The following IL1RAPL1 variants were observed in gnomAD, a reference collection of about 807,000 sequenced individuals.
The protein encoded by IL1RAPL1 is interleukin-1 receptor accessory protein-like 1.
In IL1RAPL1, 3 loss-of-function variants were observed where a neutral mutation model predicts 48.4. That is an observed-to-expected ratio of 0.06 (90% CI 0.03 to 0.16). The LOEUF is 0.16. Among genes scored for constraint, IL1RAPL1 ranks in the 10% least tolerant of loss-of-function variants. IL1RAPL1 has a pLI of 1.00. For missense variants in IL1RAPL1, 349 were observed against 530.6 expected, an observed-to-expected ratio of 0.66 and a Z score of 3.36; for synonymous variants, 185 against 187.7, an observed-to-expected ratio of 0.99 and a Z score of 0.12.
At chrX:29,639,848 G>A (rs1266960882) in intron 5 of IL1RAPL1, among the ~76,000 whole-genome samples, 2 of 111,569 alleles carry the variant, frequency 1.8e-5, no homozygotes, top group Non-Finnish European at 3.8e-5. Context: ...ATGCATCAGC[G>A]GGTGGCCAGG....
chrX:29,371,508 G>A (rs749353059), intron 3 of IL1RAPL1, among the ~76,000 whole-genome samples: 11 of 111,585 alleles, frequency 9.9e-5, no homozygotes, highest in Non-Finnish European at 1.9e-4. Context: ...TATATTGTGT[G>A]ATGATAAGAT....
chrX:29,684,381 A>G (rs1230873319), intron 6 of IL1RAPL1, among the ~76,000 whole-genome samples: 1 of 111,376 alleles, frequency 9.0e-6, no homozygotes, highest in Non-Finnish European at 1.9e-5. Context: ...TCACAAAAGC[A>G]GAGCCCTCAT....
At chrX:29,140,266 T>C (rs192705423) in intron 2 of IL1RAPL1, among the ~76,000 whole-genome samples, 107 of 111,851 alleles carry the variant, frequency 9.6e-4, no homozygotes, top group Non-Finnish European at 1.8e-3. Context: ...ACCTCTAATA[T>C]TGGAGATCAA....
chrX:29,139,700 C>G (rs1929208491), intron 2 of IL1RAPL1, among the ~76,000 whole-genome samples: 1 of 111,369 alleles, frequency 9.0e-6, no homozygotes, highest in African/African-American at 3.3e-5. Context: ...TAAATAACTT[C>G]TCTCTGGGGC....
intron 2 of IL1RAPL1, among the ~76,000 whole-genome samples, chrX:28,950,831 A>T (rs1924439253): frequency 9.2e-6 from 1 of 108,816 alleles, no homozygotes; most frequent in East Asian, 3.0e-4. Context: ...ATGTATGTTT[A>T]TTGCGGCACT....
intron 6 of IL1RAPL1, among the ~76,000 whole-genome samples, chrX:29,865,636 C>CTTTTTTTTTTTTTT (rs1171882981): frequency 1.3e-5 from 1 of 76,343 alleles, no homozygotes; most frequent in African/African-American, 5.4e-5. Context: ...CTTTTCTTTT[C>CTTTTTTTTTTTTTT]TTTTTTTTTT....
intron 2 of IL1RAPL1, among the ~76,000 whole-genome samples, chrX:28,899,482 A>G (rs1280945172): frequency 8.9e-6 from 1 of 111,829 alleles, no homozygotes; most frequent in Non-Finnish European, 1.9e-5. Flanking sequence ...AATAGCAAGG[A>G]AATAGACAAG....
chrX:28,781,363 T>C (rs1288627632), intron 1 of IL1RAPL1, among the ~76,000 whole-genome samples: 1 of 108,881 alleles, frequency 9.2e-6, no homozygotes, highest in African/African-American at 3.3e-5. Context: ...CTCCTAGAGG[T>C]TGATGGCCAT....
intron 2 of IL1RAPL1, among the ~76,000 whole-genome samples, chrX:29,209,631 T>C (rs748757796): frequency 8.0e-5 from 9 of 112,429 alleles, no homozygotes; most frequent in African/African-American, 2.9e-4. Context: ...CCAGCAAATT[T>C]TGCCTCTTTG....
chrX:29,830,074 A>T (rs1056513840), intron 6 of IL1RAPL1, among the ~76,000 whole-genome samples: 1 of 112,381 alleles, frequency 8.9e-6, no homozygotes, highest in African/African-American at 3.2e-5. Context: ...ATTATTCTGA[A>T]TTTAAGGTGT....
chrX:28,999,318 C>T (rs1430400344), intron 2 of IL1RAPL1, among the ~76,000 whole-genome samples: 1 of 111,184 alleles, frequency 9.0e-6, no homozygotes, highest in Non-Finnish European at 1.9e-5. Context: ...CTTATTTTTC[C>T]TTCATATCAA....
chrX:29,884,591 C>G (rs1005904155), intron 6 of IL1RAPL1, among the ~76,000 whole-genome samples: 7 of 111,479 alleles, frequency 6.3e-5, no homozygotes, highest in Admixed American at 9.5e-5. Flanking sequence ...CTCATCCTAT[C>G]TATATGCCAG....
intron 6 of IL1RAPL1, among the ~76,000 whole-genome samples, chrX:29,673,363 A>G (rs1926188252): frequency 8.9e-6 from 1 of 111,981 alleles, no homozygotes; most frequent in Admixed American, 9.5e-5. Flanking sequence ...CAAGTGATGT[A>G]AATATGACAG....
intron 1 of IL1RAPL1, among the ~76,000 whole-genome samples, chrX:28,668,646 T>C (rs1407085711): frequency 8.8e-6 from 1 of 113,000 alleles, no homozygotes; most frequent in Non-Finnish European, 1.9e-5. Context: ...TGATGATTGA[T>C]CTAATGTCAT....
chrX:29,719,743 C>CAAAAAAAAAAA (rs372308075), intron 6 of IL1RAPL1, among the ~76,000 whole-genome samples: 1 of 21,894 alleles, frequency 4.6e-5, no homozygotes, highest in Non-Finnish European at 1.1e-4. Flanking sequence ...GAAAGATGAG[C>CAAAAAAAAAAA]AAAAAAAAAA....
At chrX:29,167,229 A>G (rs1229804527) in intron 2 of IL1RAPL1, among the ~76,000 whole-genome samples, 1 of 110,657 alleles carries the variant, frequency 9.0e-6, no homozygotes, top group East Asian at 2.8e-4. Flanking sequence ...TTGGTAGAAT[A>G]TTACAGGTAT....
intron 6 of IL1RAPL1, among the ~76,000 whole-genome samples, chrX:29,679,994 T>C: frequency 8.9e-6 from 1 of 112,047 alleles, no homozygotes; most frequent in Non-Finnish European, 1.9e-5. Flanking sequence ...AGAAGGGAAA[T>C]AATCCAGAAA....
intron 1 of IL1RAPL1, among the ~76,000 whole-genome samples, chrX:28,655,980 T>C (rs1934743769): frequency 8.9e-6 from 1 of 111,976 alleles, no homozygotes. Flanking sequence ...GTAATCGATT[T>C]CATTATTATA....
intron 2 of IL1RAPL1, among the ~76,000 whole-genome samples, chrX:28,849,388 A>G (rs972168137): frequency 2.7e-5 from 3 of 111,992 alleles, no homozygotes; most frequent in African/African-American, 9.7e-5. Flanking sequence ...AGACATTCCT[A>G]TTGGGATAAC....
Sources: gnomAD v4.1 joint callset for allele counts (sites outside exome capture counted in the v4.1 genomes callset) on GRCh38, gnomAD v4.1.1 for gene constraint, MANE v1.5 for transcripts, NCBI Gene and HGNC (gene_info 2026-07-23, HGNC 2026-07-21) for gene names.